PPP2R2C: variants seen among roughly 807,000 people sequenced by gnomAD.
The protein encoded by PPP2R2C is protein phosphatase 2, regulatory subunit B, gamma.
A neutral mutation model predicts 45.3 loss-of-function variants in PPP2R2C; 10 were observed. The ratio of observed to expected loss-of-function variants is 0.22; its 90% CI spans 0.14 to 0.37. The LOEUF (loss-of-function observed/expected upper bound fraction) is 0.37. Ranked by LOEUF, PPP2R2C falls within the 10% of genes least tolerant of loss-of-function variation. The pLI is 1.00. For missense variants in PPP2R2C, 308 were observed against 619.7 expected (o/e 0.50, Z 5.34); for synonymous variants, 257 against 245.4 (o/e 1.05, Z -0.44).
At chr4:6,421,217 C>T in intron 1 of PPP2R2C, 2 of 793,568 alleles carry the variant, frequency 2.5e-6, no homozygotes, top group Non-Finnish European at 3.1e-6. Context: ...ACCCAGGAGC[C>T]AATGCCACAA....
intron 1 of PPP2R2C, among the ~76,000 whole-genome samples, chr4:6,391,197 C>T (rs1360461301): frequency 1.3e-5 from 2 of 152,168 alleles, no homozygotes; most frequent in Non-Finnish European, 2.9e-5. Context: ...GCCGCCCTGG[C>T]CTCTGGCAGG....
At chr4:6,358,386 GA>G (rs1366436134) in intron 5 of PPP2R2C, among the ~76,000 whole-genome samples, 2 of 147,902 alleles carry the variant, frequency 1.4e-5, no homozygotes, top group African/African-American at 2.7e-5. Context: ...AAAAACCATA[GA>G]AAAAAATCCA....
At chr4:6,538,628 C>T (rs879623611) in intron 1 of PPP2R2C, among the ~76,000 whole-genome samples, 17 of 152,178 alleles carry the variant, frequency 1.1e-4, no homozygotes, top group Non-Finnish European at 1.6e-4. Context: ...AGTCATCCAC[C>T]GTGGCAGCAG....
At chr4:6,405,271 C>T (rs938201681) in intron 1 of PPP2R2C, among the ~76,000 whole-genome samples, 11 of 152,326 alleles carry the variant, frequency 7.2e-5, no homozygotes, top group Admixed American at 2.6e-4. Context: ...TGGCTCAGGG[C>T]GGCTCCATAG....
intron 6 of PPP2R2C, among the ~76,000 whole-genome samples, chr4:6,347,048 G>T (rs1053847002): frequency 3.3e-5 from 5 of 152,204 alleles, no homozygotes; most frequent in African/African-American, 9.7e-5. Context: ...GCCTTCAGGG[G>T]CCTCTGGGAT....
chr4:6,403,952 G>A (rs1404211906), intron 1 of PPP2R2C, among the ~76,000 whole-genome samples: 1 of 152,016 alleles, frequency 6.6e-6, no homozygotes, highest in Non-Finnish European at 1.5e-5. Flanking sequence ...TGGGAGAAAA[G>A]AGCACTGGGA....
intron 5 of PPP2R2C, among the ~76,000 whole-genome samples, chr4:6,365,354 A>G (rs914781021): frequency 6.6e-5 from 10 of 152,238 alleles, no homozygotes; most frequent in African/African-American, 2.4e-4. Flanking sequence ...TTCTCTGTAA[A>G]TTAGCACCAA....
intron 1 of PPP2R2C, among the ~76,000 whole-genome samples, chr4:6,463,875 G>A (rs147297972): frequency 6.6e-6 from 1 of 152,266 alleles, no homozygotes; most frequent in African/African-American, 2.4e-5. Flanking sequence ...GCCTTTCATC[G>A]CAACACAGAT....
chr4:6,326,636 C>G (rs1004014165), intron 8 of PPP2R2C, among the ~76,000 whole-genome samples: 2 of 152,208 alleles, frequency 1.3e-5, no homozygotes, highest in Non-Finnish European at 2.9e-5. Flanking sequence ...GGTCTCATCC[C>G]CAAAGCGGCC....
chr4:6,344,376 A>C (rs765099695), intron 6 of PPP2R2C, among the ~76,000 whole-genome samples: 23 of 152,206 alleles, frequency 1.5e-4, no homozygotes, highest in Non-Finnish European at 3.1e-4. Context: ...AGGCATATGA[A>C]ATTACGTGGC....
chr4:6,457,136 A>T (rs1038062745), intron 1 of PPP2R2C, among the ~76,000 whole-genome samples: 1 of 148,402 alleles, frequency 6.7e-6, no homozygotes, highest in African/African-American at 2.5e-5. Context: ...TTGAACCAGG[A>T]GACAGAAGTT....
rs1714121741 is a variant in PPP2R2C, at chr4:6,364,686, G to A, written c.625+7837C>T. On this transcript the variant is annotated intron_variant, in intron 5 of 8. Coordinates refer to ENST00000382599, the MANE Select transcript of PPP2R2C (RefSeq NM_020416.4). The surrounding 1 kb of genome is among the most constrained non-coding windows in gnomAD (Gnocchi z 5.3). ...CTCGCTTTACAGGTGAGGAGCTGAG[G>A]CACAGAGAACCCAAGTGAGCTGCCC... Among the ~76,000 whole-genome samples the A allele has an allele frequency of 6.6e-6, 1 of 152,166 alleles. No homozygotes were observed. The highest frequency in any genetic ancestry group is 2.4e-5 in the African/African-American group (1 of 41,436).
At chr4:6,508,718 G>C (rs1272827752) in intron 2 of PPP2R2C, among the ~76,000 whole-genome samples, 1 of 152,188 alleles carries the variant, frequency 6.6e-6, no homozygotes, top group Non-Finnish European at 1.5e-5. Context: ...AGTTTAACTG[G>C]AGTATGACCT....
chr4:6,513,252 C>A (rs910135055), intron 2 of PPP2R2C, among the ~76,000 whole-genome samples: 1 of 152,174 alleles, frequency 6.6e-6, no homozygotes, highest in Non-Finnish European at 1.5e-5. Flanking sequence ...TACAGCCCTA[C>A]AGGCTTTGGT....
chr4:6,510,598 GCACACACGCACA>G (rs1382344882), intron 2 of PPP2R2C, among the ~76,000 whole-genome samples: 1 of 152,010 alleles, frequency 6.6e-6, no homozygotes, highest in East Asian at 1.9e-4. Flanking sequence ...ACACACGCAC[GCACACACGCACA>G]CCAGAATGTC....
intron 1 of PPP2R2C, among the ~76,000 whole-genome samples, chr4:6,396,794 A>G (rs1343996361): frequency 1.3e-5 from 2 of 152,216 alleles, no homozygotes; most frequent in Admixed American, 1.3e-4. Flanking sequence ...GGGTAGAGAG[A>G]AGGCCCTGAT....
intron 2 of PPP2R2C, among the ~76,000 whole-genome samples, chr4:6,492,301 A>T (rs1318217163): frequency 1.3e-5 from 2 of 152,152 alleles, no homozygotes; most frequent in African/African-American, 2.4e-5. Flanking sequence ...CCCAGGATGG[A>T]CTCCAACAGG....
intron 6 of PPP2R2C, among the ~76,000 whole-genome samples, chr4:6,335,828 A>G (rs546589988): frequency 6.6e-6 from 1 of 152,196 alleles, no homozygotes; most frequent in African/African-American, 2.4e-5. Flanking sequence ...CCCCCAAATC[A>G]GAGCAGGCAG....
At chr4:6,346,599 T>C (rs780479858) in intron 6 of PPP2R2C, among the ~76,000 whole-genome samples, 3 of 152,198 alleles carry the variant, frequency 2.0e-5, no homozygotes, top group Non-Finnish European at 4.4e-5. Context: ...GCCTACTGAA[T>C]GCCTGGATGG....
Sources: gnomAD v4.1 joint callset for allele counts (sites outside exome capture counted in the v4.1 genomes callset) on GRCh38, gnomAD v4.1.1 for gene constraint, Gnocchi (gnomAD v3.1) non-coding constraint, MANE v1.5 for transcripts, NCBI Gene and HGNC (gene_info 2026-07-23, HGNC 2026-07-21) for gene names.